SLC22A4: variants seen among roughly 807,000 people sequenced by gnomAD.
The protein encoded by SLC22A4 is ET transporter.
SLC22A4 carries 39 observed loss-of-function variants against 56.6 expected under a neutral mutation model. That is an observed-to-expected ratio of 0.69 (90% CI 0.53 to 0.90). The LOEUF (loss-of-function observed/expected upper bound fraction) is 0.90, where lower values mean the gene tolerates loss of function less well. Among genes scored for constraint, SLC22A4 ranks in the 40% least tolerant of loss-of-function variants. The probability of loss-of-function intolerance (pLI) is 0.00; values close to 1 mark genes in which losing one functional copy is unlikely to be tolerated. For synonymous variants in SLC22A4, 241 were observed against 281.4 expected, an observed-to-expected ratio of 0.86 and a Z score of 1.44; for missense variants, 594 against 696.5, an observed-to-expected ratio of 0.85 and a Z score of 1.66.
At position 132,344,099 on chromosome 5, in the gene SLC22A4, A is replaced by G. The variant is rs919364938; in HGVS notation, c.*264A>G. On this transcript the variant is annotated 3_prime_UTR_variant, in exon 10 of 10. Coordinates refer to ENST00000200652, the MANE Select transcript of SLC22A4 (RefSeq NM_003059.3). ...AAGATGTCTTGAAAACATGTTAGTC[A>G]AGGACTGGTAAAATACATATAAAGA... The G allele has an allele frequency of 8.5e-5, 36 of 425,250 alleles. 1 individual carries two copies. The East Asian group carries it at 1.4e-3, about 17-fold the overall frequency. 26.3% of individuals were successfully genotyped at this position (425,250 alleles called of 1,614,324 possible).
At chr5:132,326,398 CTGTA>C (rs1252859251) in intron 4 of SLC22A4, among the ~76,000 whole-genome samples, 4 of 152,136 alleles carry the variant, frequency 2.6e-5, no homozygotes, top group African/African-American at 9.7e-5. Context: ...AACAGAATGG[CTGTA>C]TGTATGAGCA....
intron 1 of SLC22A4, among the ~76,000 whole-genome samples, chr5:132,299,237 A>G (rs1041121461): frequency 6.6e-6 from 1 of 152,164 alleles, no homozygotes; most frequent in African/African-American, 2.4e-5. Context: ...CTTTCATAGT[A>G]TGCCAGGAGG....
In SLC22A4 at chr5:132,294,900, T is replaced by C. The variant is rs1363444228; in HGVS notation, c.284T>C (p.Leu95Pro). 3.8e-6 allele frequency: 6 copies of C among 1,596,534 alleles called. No individual in the cohort carries two copies. The Admixed American group carries it at 5.3e-5, about 14-fold the overall frequency. ...RLATIANFSA[L>P]GLEPGRDVDL... ...GCCACCATCGCCAACTTCTCGGCGCTCGGGCTGGAGCCGGGGCGCGACGTG... is the reference window on the plus strand; with the variant it reads ...GCCACCATCGCCAACTTCTCGGCGCCCGGGCTGGAGCCGGGGCGCGACGTG... Residue 95 changes from leucine to proline, a missense_variant, in exon 1 of 10, where the codon CTC (leucine) becomes CCC (proline). Coordinates refer to ENST00000200652, the MANE Select transcript of SLC22A4 (RefSeq NM_003059.3). This position sits in a 1 kb window ranked among gnomAD's most constrained non-coding sequence, Gnocchi z 5.6.
intron 7 of SLC22A4, among the ~76,000 whole-genome samples, chr5:132,335,271 C>G (rs776819266): frequency 2.2e-4 from 34 of 152,172 alleles, no homozygotes; most frequent in Non-Finnish European, 4.7e-4. Context: ...GGTGTATATT[C>G]AAGTATTACA....
At chr5:132,326,300 T>C (rs77975982) in intron 4 of SLC22A4, among the ~76,000 whole-genome samples, 11,677 of 152,230 alleles carry the variant, frequency 0.077, 570 homozygotes, top group East Asian at 0.27. Flanking sequence ...AGCCTACAAT[T>C]GGGCAAAATT....
intron 9 of SLC22A4, 137 bp from the exon 10 acceptor site, chr5:132,343,623 A>G: frequency 1.5e-6 from 1 of 651,350 alleles, no homozygotes; most frequent in African/African-American, 1.8e-5. Flanking sequence ...GATCTACACC[A>G]TGAGGTTCTC....
chr5:132,343,651 T>A, intron 9 of SLC22A4, 109 bp from the exon 10 acceptor site: 1 of 715,734 alleles, frequency 1.4e-6, no homozygotes, highest in Non-Finnish European at 2.5e-6. Flanking sequence ...TTCAAATAGT[T>A]ACTTGTTCAT....
chr5:132,326,814 A>T (rs71583475), intron 4 of SLC22A4, among the ~76,000 whole-genome samples: 35 of 152,328 alleles, frequency 2.3e-4, no homozygotes, highest in African/African-American at 8.2e-4. Context: ...GAAACGATCA[A>T]GAACACAGGT....
intron 3 of SLC22A4, among the ~76,000 whole-genome samples, chr5:132,318,474 C>T (rs71583471): frequency 0.077 from 11,676 of 152,130 alleles, 570 homozygotes; most frequent in East Asian, 0.27. Context: ...TGGGTCTCGC[C>T]TCATATCCTG....
At chr5:132,342,657 C>T (rs1273946427) in intron 9 of SLC22A4, among the ~76,000 whole-genome samples, 1 of 152,168 alleles carries the variant, frequency 6.6e-6, no homozygotes, top group African/African-American at 2.4e-5. Context: ...CCAACAAATC[C>T]CCTCCTTGGG....
intron 6 of SLC22A4, chr5:132,332,192 T>C (rs903621050): frequency 1.3e-5 from 4 of 316,924 alleles, no homozygotes; most frequent in African/African-American, 2.2e-5. Context: ...CACATACCTG[T>C]AATCCCAGCT....
chr5:132,339,661 T>C (rs1157872126), intron 8 of SLC22A4, among the ~76,000 whole-genome samples: 1 of 152,226 alleles, frequency 6.6e-6, no homozygotes, highest in African/African-American at 2.4e-5. Context: ...TGTCCTTCCC[T>C]GTACTTTCAA....
At chr5:132,298,653 C>T (rs925539351) in intron 1 of SLC22A4, among the ~76,000 whole-genome samples, 2 of 152,176 alleles carry the variant, frequency 1.3e-5, no homozygotes, top group Non-Finnish European at 1.5e-5. Context: ...AGAGAAGCCA[C>T]CTTATCTGAG....
At position 132,334,814 on chromosome 5, in the gene SLC22A4, A is replaced by C; in HGVS notation, c.1143A>C (p.Glu381Asp). Residue 381 changes from glutamate to aspartate, a missense_variant, in exon 7 of 10, where the codon GAA becomes GAC. Physicochemically the swap from Glu to Asp is conservative, Grantham distance 45. Transcript: ENST00000200652. The stretch of plus-strand genomic sequence containing the variant: ...ACTGTTTCCTCTCTGCCTTGATTGA[A>C]ATTCCAGCTTACATTACAGCCTGGC... ...YLNCFLSALI[E>D]IPAYITAWLL... The C allele has an allele frequency of 6.2e-7, 1 of 1,614,010 alleles. No homozygotes were observed. Among genetic ancestry groups the C allele is most frequent in the Non-Finnish European group, 8.5e-7 (1 of 1,179,890 alleles).
chr5:132,312,366 G>A (rs1254103320), intron 2 of SLC22A4, 102 bp downstream of exon 2: 2 of 829,306 alleles, frequency 2.4e-6, no homozygotes, highest in African/African-American at 1.7e-5. Context: ...CAGAGAAAGG[G>A]AGGACCCTCA....
At chr5:132,341,923 C>T (rs748407783) in intron 9 of SLC22A4, among the ~76,000 whole-genome samples, 4 of 151,664 alleles carry the variant, frequency 2.6e-5, no homozygotes, top group East Asian at 1.9e-4. Context: ...CTCCAGTCTG[C>T]GTGACAGAGC....
chr5:132,312,294 A>T, intron 2 of SLC22A4, 30 bp downstream of exon 2: 1 of 1,342,916 alleles, frequency 7.4e-7, no homozygotes, highest in Non-Finnish European at 1.1e-6. Flanking sequence ...GGAAGGTGGG[A>T]TGGTGCCCCT....
At chr5:132,304,667 A>G (rs1749983884) in intron 1 of SLC22A4, among the ~76,000 whole-genome samples, 1 of 152,210 alleles carries the variant, frequency 6.6e-6, no homozygotes, top group African/African-American at 2.4e-5. Context: ...AGAATGTGAC[A>G]GTACCTAATT....
At chr5:132,299,365 T>C (rs1205268024) in intron 1 of SLC22A4, among the ~76,000 whole-genome samples, 1 of 152,114 alleles carries the variant, frequency 6.6e-6, no homozygotes, top group Non-Finnish European at 1.5e-5. Flanking sequence ...TTTCAACCTG[T>C]GCAGTTACTA....
Sources: gnomAD v4.1 joint callset for allele counts (sites outside exome capture counted in the v4.1 genomes callset) on GRCh38, gnomAD v4.1.1 for gene constraint, Gnocchi (gnomAD v3.1) non-coding constraint, MANE v1.5 for transcripts, NCBI Gene and HGNC (gene_info 2026-07-23, HGNC 2026-07-21) for gene names.